Variants in FHIT observed in about 807,000 individuals in gnomAD.
FHIT encodes fragile histidine triad diadenosine triphosphatase.
Under a neutral mutation model 17.9 loss-of-function variants are expected in FHIT, and 19 were observed. The observed-to-expected ratio is 1.06, with a 90% CI of 0.74 to 1.56. FHIT has a LOEUF of 1.56. Ranked by LOEUF, FHIT falls within the 40% of genes most tolerant of loss-of-function variation. The pLI is 0.00. For synonymous variants in FHIT, 81 were observed against 69.7 expected (o/e 1.16, Z -0.81); for missense variants, 248 against 189.2 (o/e 1.31, Z -1.82).
chr3:60,642,695 G>C (rs143342290), intron 4 of FHIT, among the ~76,000 whole-genome samples: 1 of 152,168 alleles, frequency 6.6e-6, no homozygotes, highest in African/African-American at 2.4e-5. Flanking sequence ...ACAATCTCAA[G>C]ATCAGATGGG....
At chr3:59,986,731 A>C (rs1257699686) in intron 7 of FHIT, among the ~76,000 whole-genome samples, 1 of 6,102 alleles carries the variant, frequency 1.6e-4, no homozygotes, top group Non-Finnish European at 3.9e-4. Flanking sequence ...TATTTATATA[A>C]ATATATACAT....
intron 5 of FHIT, among the ~76,000 whole-genome samples, chr3:60,518,481 T>G (rs2035239705): frequency 6.6e-6 from 1 of 152,194 alleles, no homozygotes; most frequent in Admixed American, 6.5e-5. Context: ...TTCTTGAAGT[T>G]TATGAGATGT....
chr3:61,196,578 A>G (rs1019092854), intron 2 of FHIT, among the ~76,000 whole-genome samples: 1 of 152,246 alleles, frequency 6.6e-6, no homozygotes, highest in South Asian at 2.1e-4. Flanking sequence ...AAATATATAA[A>G]GAACAAAGTT....
rs575740465 is a variant in FHIT at position 60,260,449 on chromosome 3, C to T, written c.104-246297G>A. Among the ~76,000 whole-genome samples the T allele has an allele frequency of 7.2e-4, 109 of 151,576 alleles. 2 individuals carry two copies. The highest frequency in any genetic ancestry group is 1.3e-3 in the Admixed American group (19 of 15,198). ...GCCAGGTGTAAGCGTTAAAACTTGGCGTATTCACTATTGTTTAGAAGTTTG... is the reference window on the plus strand; with the variant it reads ...GCCAGGTGTAAGCGTTAAAACTTGGTGTATTCACTATTGTTTAGAAGTTTG... On this transcript the variant is annotated intron_variant, in intron 5 of 9. Coordinates refer to ENST00000492590, the MANE Select transcript of FHIT (RefSeq NM_002012.4).
chr3:60,974,411 G>T (rs1710151107), intron 3 of FHIT, among the ~76,000 whole-genome samples: 6 of 152,124 alleles, frequency 3.9e-5, no homozygotes. Flanking sequence ...TCAGTACTTG[G>T]ATTTTATGAA....
At chr3:61,224,297 T>A (rs1323309166) in intron 1 of FHIT, among the ~76,000 whole-genome samples, 1 of 152,228 alleles carries the variant, frequency 6.6e-6, no homozygotes, top group African/African-American at 2.4e-5. Context: ...GAGTAGGGAT[T>A]TGGTTCATGG....
chr3:60,131,060 T>C (rs1459107942), intron 5 of FHIT, among the ~76,000 whole-genome samples: 3 of 60,374 alleles, frequency 5.0e-5, no homozygotes, highest in Admixed American at 1.9e-4. Context: ...TATACATACA[T>C]ACACATGTAT....
At chr3:60,846,171 C>G (rs1702919130) in intron 3 of FHIT, among the ~76,000 whole-genome samples, 1 of 152,096 alleles carries the variant, frequency 6.6e-6, no homozygotes. Context: ...ATACAGCATG[C>G]CCTATTCTTA....
intron 5 of FHIT, among the ~76,000 whole-genome samples, chr3:60,136,051 C>CT (rs1284915233): frequency 6.6e-6 from 1 of 152,110 alleles, no homozygotes; most frequent in Non-Finnish European, 1.5e-5. Flanking sequence ...AAACTGTAAA[C>CT]TCCATGAGGT....
intron 5 of FHIT, among the ~76,000 whole-genome samples, chr3:60,168,942 A>C (rs971787799): frequency 4.6e-5 from 7 of 152,154 alleles, no homozygotes; most frequent in Non-Finnish European, 1.0e-4. Context: ...CTAACTTGAC[A>C]TATCGGGATG....
At chr3:60,997,476 T>A (rs1466578218) in intron 3 of FHIT, among the ~76,000 whole-genome samples, 1 of 152,148 alleles carries the variant, frequency 6.6e-6, no homozygotes, top group Non-Finnish European at 1.5e-5. Context: ...CTTGGCAACA[T>A]CTGGCTGAAG....
intron 2 of FHIT, among the ~76,000 whole-genome samples, chr3:61,191,984 T>C (rs2038730522): frequency 6.6e-6 from 1 of 152,094 alleles, no homozygotes; most frequent in African/African-American, 2.4e-5. Context: ...GGAAGTCAGC[T>C]CAGGGGTTAC....
rs531393454 is a variant in FHIT, at chr3:61,205,743, A to G, written c.-212-5078T>C. 2.0e-4 allele frequency among the ~76,000 whole-genome samples: 31 copies of G among 152,238 alleles called. No homozygotes were observed. In the East Asian group the frequency reaches 4.4e-3, roughly 22 times the overall value. On this transcript the variant is annotated intron_variant, in intron 1 of 9. Coordinates refer to ENST00000492590, the MANE Select transcript of FHIT (RefSeq NM_002012.4). The stretch of plus-strand genomic sequence containing the variant: ...GCCCTTTGTCAGATGAGTAGATTGC[A>G]AAAATTTTCTCCCATTCTGTAGGTT...
At chr3:61,137,325 C>T (rs1026409811) in intron 2 of FHIT, among the ~76,000 whole-genome samples, 2 of 145,154 alleles carry the variant, frequency 1.4e-5, no homozygotes, top group East Asian at 2.0e-4. Flanking sequence ...CCCTTGTTTC[C>T]GTCCCTTCTT....
At chr3:59,822,755 A>G (rs1036426319) in intron 8 of FHIT, among the ~76,000 whole-genome samples, 1 of 152,060 alleles carries the variant, frequency 6.6e-6, no homozygotes, top group Non-Finnish European at 1.5e-5. Context: ...TGGGTTGTCT[A>G]TTTAGTCTGC....
At chr3:60,828,607 G>A (rs1702207439) in intron 3 of FHIT, among the ~76,000 whole-genome samples, 1 of 152,132 alleles carries the variant, frequency 6.6e-6, no homozygotes, top group Non-Finnish European at 1.5e-5. Flanking sequence ...GGCTAGGCAT[G>A]GTGGCTCATG....
chr3:60,041,746 T>C (rs144133614), intron 5 of FHIT, among the ~76,000 whole-genome samples: 4 of 152,356 alleles, frequency 2.6e-5, no homozygotes, highest in Admixed American at 1.3e-4. Flanking sequence ...TTTTCTGTCA[T>C]ACCTTCATAC....
chr3:59,960,667 C>T (rs1407114214), intron 7 of FHIT, among the ~76,000 whole-genome samples: 1 of 152,164 alleles, frequency 6.6e-6, no homozygotes, highest in East Asian at 1.9e-4. Context: ...TAAACATTCT[C>T]GTCAATCACT....
intron 5 of FHIT, among the ~76,000 whole-genome samples, chr3:60,030,980 T>C (rs1000933058): frequency 4.6e-5 from 7 of 152,216 alleles, no homozygotes; most frequent in African/African-American, 1.4e-4. Context: ...AGTTATGTCC[T>C]CAGATAAATC....
Sources: gnomAD v4.1 joint callset for allele counts (sites outside exome capture counted in the v4.1 genomes callset) on GRCh38, gnomAD v4.1.1 for gene constraint, MANE v1.5 for transcripts, NCBI Gene and HGNC (gene_info 2026-07-23, HGNC 2026-07-21) for gene names.